The following ERBB4 variants were observed in gnomAD, a reference collection of about 807,000 sequenced individuals.
The protein encoded by ERBB4 is receptor tyrosine-protein kinase erbB-4.
In ERBB4, 42 loss-of-function variants were observed where a neutral mutation model predicts 158.0. That is an observed-to-expected ratio of 0.27 (90% confidence interval 0.21 to 0.34). ERBB4 has a LOEUF of 0.34. Among genes scored for constraint, ERBB4 ranks in the 10% least tolerant of loss-of-function variants. The pLI, the probability that ERBB4 is intolerant of heterozygous loss-of-function variation, is 1.00. For synonymous variants in ERBB4, 583 were observed against 558.7 expected, an observed-to-expected ratio of 1.04 and a Z score of -0.61; for missense variants, 1,333 against 1,624.1, an observed-to-expected ratio of 0.82 and a Z score of 3.08.
At chr2:212,294,629 T>TA in intron 1 of ERBB4, among the ~76,000 whole-genome samples, 1 of 152,196 alleles carries the variant, frequency 6.6e-6, no homozygotes, top group East Asian at 1.9e-4. Context: ...CTATCAAAAC[T>TA]ATACTTACAA....
chr2:211,722,557 T>C (rs1446539017), intron 6 of ERBB4, 23 bp from the exon 7 acceptor site: 8 of 1,612,618 alleles, frequency 5.0e-6, no homozygotes, highest in Non-Finnish European at 6.8e-6. Flanking sequence ...AAATATTACT[T>C]TCATTTACAA....
intron 1 of ERBB4, among the ~76,000 whole-genome samples, chr2:212,149,602 A>G (rs921411975): frequency 1.6e-4 from 24 of 152,222 alleles, no homozygotes; most frequent in African/African-American, 5.8e-4. Flanking sequence ...TCTTATTTTT[A>G]ATGTGAAAAA....
chr2:211,853,284 A>C (rs1432980170), intron 3 of ERBB4, among the ~76,000 whole-genome samples: 1 of 151,970 alleles, frequency 6.6e-6, no homozygotes, highest in Non-Finnish European at 1.5e-5. Flanking sequence ...ATGAGTGAAT[A>C]GGTCCAGAGT....
chr2:212,210,615 A>C (rs1192722584), intron 1 of ERBB4, among the ~76,000 whole-genome samples: 1 of 152,156 alleles, frequency 6.6e-6, no homozygotes, highest in Non-Finnish European at 1.5e-5. Flanking sequence ...TGAAAGCAGA[A>C]TTATTAATTA....
intron 1 of ERBB4, among the ~76,000 whole-genome samples, chr2:212,331,090 C>CATATATATATATA (rs2088143663): frequency 3.1e-5 from 1 of 32,596 alleles, no homozygotes; most frequent in Non-Finnish European, 1.1e-4. Flanking sequence ...ATATATATGC[C>CATATATATATATA]CATAACACTT....
At chr2:211,434,597 ACT>A (rs1347329599) in intron 20 of ERBB4, among the ~76,000 whole-genome samples, 1 of 152,164 alleles carries the variant, frequency 6.6e-6, no homozygotes, top group Non-Finnish European at 1.5e-5. Flanking sequence ...CTAATGACAC[ACT>A]CTACAATACA....
rs138407366 is a variant in ERBB4, at chr2:211,550,496, C to A, written c.2487+11407G>T. ...AGAAGACTTGTCTTTCAGCTTCTGG[C>A]TTTCCTGGGTCTCCAGCTTGCCAGT... is the stretch of plus-strand genomic sequence containing the variant. On this transcript the variant is annotated intron_variant, in intron 20 of 27. Coordinates refer to ENST00000342788, the MANE Select transcript of ERBB4 (RefSeq NM_005235.3). Among the ~76,000 whole-genome samples, 1,314 of 150,492 alleles carry A rather than the reference C, an allele frequency of 8.7e-3. 28 individuals carry two copies. The highest frequency in any genetic ancestry group is 0.029 in the African/African-American group (1,205 of 41,044).
intron 1 of ERBB4, among the ~76,000 whole-genome samples, chr2:212,133,417 G>GTTTTTTTTTTT (rs1234790979): frequency 7.4e-6 from 1 of 135,510 alleles, no homozygotes; most frequent in African/African-American, 3.1e-5. Context: ...GTTTTGTTTT[G>GTTTTTTTTTTT]TTTTTGTTTT....
At chr2:211,593,180 A>C (rs2068529022) in intron 19 of ERBB4, among the ~76,000 whole-genome samples, 1 of 152,214 alleles carries the variant, frequency 6.6e-6, no homozygotes, top group South Asian at 2.1e-4. Context: ...TTAAGAAAGT[A>C]GTTAAAGTTA....
intron 1 of ERBB4, among the ~76,000 whole-genome samples, chr2:212,460,201 C>G (rs1560386449): frequency 6.6e-6 from 1 of 152,200 alleles, no homozygotes; most frequent in Non-Finnish European, 1.5e-5. Context: ...AATTAAACCT[C>G]TTTCTTTTGT....
At chr2:211,521,505 G>A (rs533020970) in intron 20 of ERBB4, among the ~76,000 whole-genome samples, 72 of 152,306 alleles carry the variant, frequency 4.7e-4, no homozygotes, top group African/African-American at 1.7e-3. Flanking sequence ...TGCATGTGAA[G>A]CAGCAAGTGC....
In ERBB4 at chr2:212,230,582, T is replaced by C. The variant is rs1367673414; in HGVS notation, c.83-105679A>G. ...AAAATGTTAAAATACAGAAAATATGTACCACACAACTGTGTCTAGGATTCA... is the reference window on the plus strand; with the variant it reads ...AAAATGTTAAAATACAGAAAATATGCACCACACAACTGTGTCTAGGATTCA... On this transcript the variant is annotated intron_variant, in intron 1 of 27. Transcript: ENST00000342788. Among the ~76,000 whole-genome samples the C allele has an allele frequency of 2.0e-5, 3 of 152,230 alleles. No individual in the cohort carries two copies. The East Asian group carries it at 5.8e-4, about 29-fold the overall frequency.
intron 1 of ERBB4, among the ~76,000 whole-genome samples, chr2:212,207,293 G>A (rs761635164): frequency 1.3e-5 from 2 of 152,168 alleles, no homozygotes; most frequent in African/African-American, 2.4e-5. Flanking sequence ...ATAAGAAAGT[G>A]GAGTCAATAT....
At chr2:211,706,888 C>T (rs987843013) in intron 9 of ERBB4, among the ~76,000 whole-genome samples, 17 of 152,050 alleles carry the variant, frequency 1.1e-4, no homozygotes, top group African/African-American at 3.6e-4. Flanking sequence ...ATATATGGAA[C>T]AAATAACTAT....
chr2:211,741,712 C>T (rs2074805329), intron 5 of ERBB4, among the ~76,000 whole-genome samples: 1 of 152,040 alleles, frequency 6.6e-6, no homozygotes, highest in Non-Finnish European at 1.5e-5. Flanking sequence ...CCCCTGAAGC[C>T]CTTGGCTTGT....
chr2:212,521,718 T>G (rs1398806499), intron 1 of ERBB4, among the ~76,000 whole-genome samples: 2 of 151,962 alleles, frequency 1.3e-5, no homozygotes, highest in African/African-American at 4.8e-5. Context: ...ATTCCCTTTT[T>G]AGATGGGATG....
At chr2:212,413,836 T>C (rs1437445321) in intron 1 of ERBB4, among the ~76,000 whole-genome samples, 2 of 152,204 alleles carry the variant, frequency 1.3e-5, no homozygotes, top group Non-Finnish European at 2.9e-5. Context: ...CCACTGATGA[T>C]ATATTATCTA....
intron 1 of ERBB4, among the ~76,000 whole-genome samples, chr2:212,229,913 T>A (rs1324423979): frequency 6.6e-6 from 1 of 152,164 alleles, no homozygotes; most frequent in African/African-American, 2.4e-5. Flanking sequence ...AAGGAAGTTA[T>A]AAGAGGAAGA....
intron 5 of ERBB4, among the ~76,000 whole-genome samples, chr2:211,743,356 G>A (rs1301434391): frequency 6.6e-6 from 1 of 152,052 alleles, no homozygotes; most frequent in African/African-American, 2.4e-5. Context: ...TCAAAATGCA[G>A]TGACTGAGAT....
Sources: gnomAD v4.1 joint callset for allele counts (sites outside exome capture counted in the v4.1 genomes callset) on GRCh38, gnomAD v4.1.1 for gene constraint, MANE v1.5 for transcripts, NCBI Gene and HGNC (gene_info 2026-07-23, HGNC 2026-07-21) for gene names.